The following OSBPL5 variants were observed in gnomAD, a reference collection of about 807,000 sequenced individuals.
OSBPL5 encodes the protein oxysterol binding protein like 5, also known as oxysterol-binding protein-related protein 5.
A neutral mutation model predicts 111.2 loss-of-function variants in OSBPL5; 71 were observed. The ratio of observed to expected loss-of-function variants is 0.64; its 90% CI spans 0.53 to 0.78. OSBPL5 has a LOEUF of 0.78. OSBPL5 is among the 30% of genes least tolerant of loss of function. The pLI is 0.00. For missense variants in OSBPL5, 1,210 were observed against 1,189.3 expected (o/e 1.02, Z -0.26); for synonymous variants, 549 against 513.9 (o/e 1.07, Z -0.93).
At chr11:3,157,021 C>A (rs879942483) in intron 1 of OSBPL5, among the ~76,000 whole-genome samples, 2 of 152,250 alleles carry the variant, frequency 1.3e-5, no homozygotes, top group Admixed American at 1.3e-4. Flanking sequence ...CTCCTCGGGG[C>A]CCCCAAGGGC....
At chr11:3,108,396 G>C (rs890479093) in intron 7 of OSBPL5, among the ~76,000 whole-genome samples, 1 of 152,202 alleles carries the variant, frequency 6.6e-6, no homozygotes, top group Non-Finnish European at 1.5e-5. Flanking sequence ...TGGAGTTAGG[G>C]AGGAGGGTCC....
chr11:3,157,502 G>A (rs897624388), intron 1 of OSBPL5, among the ~76,000 whole-genome samples: 11 of 152,208 alleles, frequency 7.2e-5, no homozygotes, highest in Non-Finnish European at 1.2e-4. Context: ...TTGCAGGCCT[G>A]GGAAGGGCCT....
chr11:3,107,313 C>T lies in OSBPL5; in HGVS notation c.1009G>A (p.Val337Met), dbSNP rs374923847. The stretch of plus-strand genomic sequence containing the variant: ...TCCACATAGGTGGTCCCTCTCCGCA[C>T]CGGGGCCCCAGGGGTCTCTGACTGG... ...SDQSETPGAP[V>M]RRGTTYVEQV... The change falls in exon 9 of 22, where the codon GTG becomes ATG. Residue 337 changes from valine (V) to methionine (M), a missense_variant. By Grantham distance (21) the Val-to-Met change is conservative (BLOSUM62 1). Coordinates refer to ENST00000263650, the MANE Select transcript of OSBPL5 (RefSeq NM_020896.4). The surrounding 1 kb of genome is among the most constrained non-coding windows in gnomAD (Gnocchi z 6.1). 6.2e-7 allele frequency: 1 copy of T among 1,613,848 alleles called. No homozygotes were observed. Among genetic ancestry groups the T allele is most frequent in the Non-Finnish European group, 8.5e-7 (1 of 1,179,988 alleles).
At chr11:3,095,909 G>C (rs12804476) in intron 14 of OSBPL5, among the ~76,000 whole-genome samples, 55,073 of 152,008 alleles carry the variant, frequency 0.36, 12,008 homozygotes, top group East Asian at 0.78. Context: ...AACAGGCCCT[G>C]TGCACCCTGC....
Position 3,088,310 on chromosome 11 carries a change from C to G in OSBPL5, c.2535G>C (p.Arg845=), listed in dbSNP as rs780960923. The change falls in exon 22 of 22, where the codon CGG becomes CGC. Residue 845 remains arginine (R), a synonymous_variant. Transcript: ENST00000263650. ...GGCCTGGGGTCGGTGCCTGTGCTGC[C>G]CGTGCCGTGGAGCTCAGCATGGCCG... The part of the protein sequence containing the change: ...HLSAMLSSTA[R]AAQAPTPGLL... 2 of 1,600,646 alleles carry G rather than the reference C, an allele frequency of 1.2e-6. No homozygotes were observed. The highest frequency in any genetic ancestry group is 3.4e-5 in the Admixed American group (2 of 58,550).
At chr11:3,090,459 C>G (rs112019882) in intron 20 of OSBPL5, 99 bp downstream of exon 20, 1 of 1,491,558 alleles carries the variant, frequency 6.7e-7, no homozygotes, top group African/African-American at 1.4e-5. Flanking sequence ...GGTTGCCCTA[C>G]ATCTGGGCAG....
chr11:3,107,855 G>T lies in OSBPL5; in HGVS notation c.782C>A (p.Pro261Gln). The T allele has an allele frequency of 6.2e-7, 1 of 1,610,732 alleles. No individual in the cohort carries two copies. The change falls in exon 8 of 22, where the codon CCA (proline) becomes CAA (glutamine). Residue 261 changes from proline (P) to glutamine (Q), a missense_variant. Coordinates refer to ENST00000263650, the MANE Select transcript of OSBPL5 (RefSeq NM_020896.4). The surrounding 1 kb of genome is among the most constrained non-coding windows in gnomAD (Gnocchi z 6.1). ...GTCKPGRDGE[P>Q]GTSPDASPSS... ...GGGTGATGCGTCTGGCGAGGTCCCT[G>T]GCTCCCCGTCTCGGCCCGGCTTGCA...
intron 1 of OSBPL5, among the ~76,000 whole-genome samples, chr11:3,138,663 C>G (rs1459562463): frequency 6.6e-6 from 1 of 152,234 alleles, no homozygotes; most frequent in Non-Finnish European, 1.5e-5. Context: ...CTCAGGCACA[C>G]CTGGGGCCTC....
rs1237770123 is a variant in OSBPL5, at chr11:3,093,816, G to T, written c.1739C>A (p.Thr580Asn). Residue 580 changes from threonine (T) to asparagine (N), a missense_variant, in exon 16 of 22, where the codon ACC (threonine) becomes AAC (asparagine). By Grantham distance (65) the Thr-to-Asn change is moderately conservative. Coordinates refer to ENST00000263650, the MANE Select transcript of OSBPL5 (RefSeq NM_020896.4). Reference protein sequence around the residue: ...FKLKPFFGGSTSINQISGKIT... With the variant: ...FKLKPFFGGSNSINQISGKIT... ...CTTTCCCGAGATCTGGTTGATGCTG[G>T]TGCTACCCCCGAAGAAGGGCTGCGG... 5.6e-6 allele frequency: 9 copies of T among 1,612,588 alleles called. No homozygotes were observed. Among genetic ancestry groups the T allele is most frequent in the Non-Finnish European group, 7.6e-6 (9 of 1,179,938 alleles).
chr11:3,122,075 C>G lies in OSBPL5; in HGVS notation c.324G>C (p.Gln108His). ...GCTGCCGTGTGGCGCGCTTCTTCTC[C>G]TGCCGGTAGTTCTCCTTCTGCGCCT... Reference protein sequence around the residue: ...TLKAQKENYRQEKKRATRQLL... With the variant: ...TLKAQKENYRHEKKRATRQLL... The change falls in exon 5 of 22, where the codon CAG becomes CAC. Residue 108 changes from glutamine (Q) to histidine (H), a missense_variant. Transcript: ENST00000263650. The G allele has an allele frequency of 6.3e-7, 1 of 1,578,470 alleles. No individual in the cohort carries two copies. Among genetic ancestry groups the G allele is most frequent in the South Asian group, 1.1e-5 (1 of 87,472 alleles).
chr11:3,099,979 T>C (rs1007427125), intron 14 of OSBPL5, among the ~76,000 whole-genome samples, 179 bp downstream of exon 14: 18 of 147,538 alleles, frequency 1.2e-4, no homozygotes, highest in Admixed American at 7.5e-4. Context: ...GATCACGCCA[T>C]TGCACTCCAG....
At chr11:3,128,014 C>T (rs1289996569) in intron 2 of OSBPL5, among the ~76,000 whole-genome samples, 1 of 152,238 alleles carries the variant, frequency 6.6e-6, no homozygotes, top group Non-Finnish European at 1.5e-5. Flanking sequence ...TGCTTCTAAG[C>T]CTCCGGCCAG....
Position 3,092,650 on chromosome 11 carries a change from C to A in OSBPL5, c.2133-92G>T, listed in dbSNP as rs1320746061. The A allele has an allele frequency of 7.0e-7, 1 of 1,436,710 alleles. No homozygotes were observed. Among genetic ancestry groups the A allele is most frequent in the Non-Finnish European group, 9.3e-7 (1 of 1,077,810 alleles). The allele number at this position is 1,436,710 out of a possible 1,614,324, so 89.0% of individuals were successfully genotyped here. On this transcript the variant is annotated intron_variant, in intron 18 of 21. Transcript: ENST00000263650. The surrounding 1 kb of genome is among the most constrained non-coding windows in gnomAD (Gnocchi z 5.4). ...CAGTCTTCAGCCCCCCAACAGTGGC[C>A]AGAGACCTCCAGGAGAATGACCACT...
chr11:3,107,836 T>C lies in OSBPL5; in HGVS notation c.801A>G (p.Ala267=), dbSNP rs1857763572. The C allele has an allele frequency of 2.5e-6, 4 of 1,612,126 alleles. No individual in the cohort carries two copies. Among genetic ancestry groups the C allele is most frequent in the Non-Finnish European group, 3.4e-6 (4 of 1,179,956 alleles). ...RDGEPGTSPD[A]SPSSLCGLPA... is the part of the protein sequence containing the mutation. ...GCAGCCCACAGAGCGATGAGGGTGA[T>C]GCGTCTGGCGAGGTCCCTGGCTCCC... The change falls in exon 8 of 22, where the codon GCA becomes GCG. Residue 267 remains alanine, a synonymous_variant. Transcript: ENST00000263650. The surrounding 1 kb of genome is among the most constrained non-coding windows in gnomAD (Gnocchi z 6.1).
chr11:3,103,860 GCA>G (rs1564830750), intron 10 of OSBPL5, among the ~76,000 whole-genome samples: 1 of 41,270 alleles, frequency 2.4e-5, no homozygotes, highest in Non-Finnish European at 5.9e-5. Context: ...TCCAGTCTGC[GCA>G]GCCCCCTTCC....
intron 3 of OSBPL5, 90 bp from the exon 4 acceptor site, chr11:3,122,518 G>T: frequency 8.3e-7 from 1 of 1,208,296 alleles, no homozygotes; most frequent in Non-Finnish European, 1.2e-6. Context: ...GGATATGAGG[G>T]CAGAAGTCAG....
Position 3,107,156 on chromosome 11 carries a change from CT to C in OSBPL5, c.1059+106del, listed in dbSNP as rs1857726030. 4 of 1,288,552 alleles carry C rather than the reference CT, an allele frequency of 3.1e-6. No homozygotes were observed. The South Asian group carries it at 4.3e-5, about 14-fold the overall frequency. The allele number at this position is 1,288,552 out of a possible 1,614,324, so 79.8% of individuals were successfully genotyped here. A position where few individuals can be genotyped will look rare whatever the true frequency, so the allele number is the denominator to read the frequency against. On this transcript the variant is annotated intron_variant, in intron 9 of 21. Transcript: ENST00000263650. The surrounding 1 kb of genome is among the most constrained non-coding windows in gnomAD (Gnocchi z 6.1). ...AAGTGATGGGGACAAAAGCTACCCC[CT>C]GGGCCCTGCGTGCTCCCCCTAGGAT...
Position 3,126,790 on chromosome 11 carries a change from G to A in OSBPL5, c.137-235C>T, listed in dbSNP as rs986866439. 8 of 440,824 alleles carry A rather than the reference G, an allele frequency of 1.8e-5. No homozygotes were observed. In the East Asian group the frequency reaches 2.8e-4, roughly 15 times the overall value. 27.3% of individuals were successfully genotyped at this position (440,824 alleles called of 1,614,324 possible). On this transcript the variant is annotated intron_variant, in intron 2 of 21. Coordinates refer to ENST00000263650, the MANE Select transcript of OSBPL5 (RefSeq NM_020896.4). The surrounding 1 kb of genome is among the most constrained non-coding windows in gnomAD (Gnocchi z 6.5). The stretch of plus-strand genomic sequence containing the variant: ...ACTGGCAGGGCCTCCAGGACCTACA[G>A]GGAGGAAGCTGGGACAGGAGCTGGT...
At chr11:3,101,328 G>A (rs140868205) in intron 13 of OSBPL5, among the ~76,000 whole-genome samples, 1 of 152,266 alleles carries the variant, frequency 6.6e-6, no homozygotes, top group East Asian at 1.9e-4. Context: ...CTCTGGGGCT[G>A]CTCAGCCCCA....
Sources: allele counts gnomAD v4.1 joint callset (sites outside exome capture counted in the v4.1 genomes callset), GRCh38; gene constraint gnomAD v4.1.1; non-coding constraint Gnocchi (gnomAD v3.1); transcripts MANE v1.5; gene names NCBI Gene and HGNC (gene_info 2026-07-23, HGNC 2026-07-21).